FGG: variants seen among roughly 807,000 people sequenced by gnomAD.
The protein encoded by FGG is fibrinogen gamma chain.
A neutral mutation model predicts 51.7 loss-of-function variants in FGG; 20 were observed. The observed-to-expected ratio is 0.39, with a 90% CI of 0.27 to 0.56. The LOEUF (loss-of-function observed/expected upper bound fraction) is 0.56, where lower values mean the gene tolerates loss of function less well. Ranked by LOEUF, FGG falls within the 20% of genes least tolerant of loss-of-function variation. FGG has a pLI of 0.64. For synonymous variants in FGG, 184 were observed against 184.7 expected (o/e 1.00, Z 0.03); for missense variants, 460 against 534.2 (o/e 0.86, Z 1.37).
Position 154,611,797 on chromosome 4 carries a change from A to C in FGG, c.401+8T>G, listed in dbSNP as rs1202001949. ...TCTTGCAGAGCAAATTAAAACAAAA[A>C]TCCTTACCGAATACTTGAGTCATGT... On this transcript the variant is annotated splice_region_variant and intron_variant, in intron 4 of 8. Transcript: ENST00000336098. 1 of 1,590,820 alleles carries C rather than the reference A, an allele frequency of 6.3e-7. No homozygotes were observed. Among genetic ancestry groups the C allele is most frequent in the Non-Finnish European group, 8.6e-7 (1 of 1,162,370 alleles).
chr4:154,608,455 C>T lies in FGG; in HGVS notation c.851+11G>A. The T allele has an allele frequency of 6.2e-7, 1 of 1,612,122 alleles. No homozygotes were observed. Among genetic ancestry groups the T allele is most frequent in the Non-Finnish European group, 8.5e-7 (1 of 1,179,126 alleles). On this transcript the variant is annotated intron_variant, in intron 7 of 8. Transcript: ENST00000336098. ...TACAATAAAAAGTTGGAAGTCATTT[C>T]AAAACAGTACCTGGTTCTGCCATTC...
intron 7 of FGG, among the ~76,000 whole-genome samples, chr4:154,608,220 A>G (rs1034373611): frequency 1.3e-5 from 2 of 152,236 alleles, no homozygotes; most frequent in African/African-American, 4.8e-5. Flanking sequence ...TTAAAAGTTC[A>G]GTAATTAGCT....
chr4:154,610,284 ACTG>A, intron 4 of FGG, 87 bp from the exon 5 acceptor site: 1 of 1,047,152 alleles, frequency 9.5e-7, no homozygotes, highest in East Asian at 2.6e-5. Context: ...TTCTTTGGAA[ACTG>A]CTAAGTATTT....
chr4:154,607,760 C>A (rs1731126976), intron 7 of FGG, among the ~76,000 whole-genome samples: 1 of 152,110 alleles, frequency 6.6e-6, no homozygotes, highest in Non-Finnish European at 1.5e-5. Context: ...GGATTAAAAA[C>A]CAACCAAGCA....
chr4:154,604,366 T>C lies in FGG; in HGVS notation c.*468A>G. The C allele has an allele frequency of 6.7e-7, 1 of 1,497,856 alleles. No homozygotes were observed. The highest frequency in any genetic ancestry group is 8.9e-7 in the Non-Finnish European group (1 of 1,128,322). The allele number at this position is 1,497,856 out of a possible 1,614,324, so 92.8% of individuals were successfully genotyped here. On this transcript the variant is annotated 3_prime_UTR_variant, in exon 9 of 9. Transcript: ENST00000336098. ...TAAACGTCTCCAGCCTGTGAATATATAACAAAACAAAAACCATATTAAAAA... is the reference window on the plus strand; with the variant it reads ...TAAACGTCTCCAGCCTGTGAATATACAACAAAACAAAAACCATATTAAAAA...
chr4:154,604,318 A>G lies in FGG; in HGVS notation c.*516T>C, dbSNP rs1191222076. The G allele has an allele frequency of 2.6e-6, 4 of 1,512,156 alleles. No individual in the cohort carries two copies. The highest frequency in any genetic ancestry group is 3.5e-6 in the Non-Finnish European group (4 of 1,130,200). 93.7% of individuals were successfully genotyped at this position (1,512,156 alleles called of 1,614,324 possible). A position where few individuals can be genotyped will look rare whatever the true frequency, so the allele number is the denominator to read the frequency against. ...TTCAGATAAAGTCCTTTAAAAAAGT[A>G]AATCTCTTTTGAAACGGTCTTTTAA... is the stretch of plus-strand genomic sequence containing the variant. On this transcript the variant is annotated 3_prime_UTR_variant, in exon 9 of 9. Coordinates refer to ENST00000336098, the MANE Select transcript of FGG (RefSeq NM_021870.3).
At position 154,604,266 on chromosome 4, in the gene FGG, C is replaced by T; in HGVS notation, c.*568G>A. On this transcript the variant is annotated 3_prime_UTR_variant, in exon 9 of 9. Transcript: ENST00000336098. ...AGTGAAGCTTTGCAAGTCCATTGTC[C>T]AATAGGAAAAATATTATATCTCTCT... 8.1e-7 allele frequency: 1 copy of T among 1,228,298 alleles called. No individual in the cohort carries two copies. 76.1% of individuals were successfully genotyped at this position (1,228,298 alleles called of 1,614,324 possible).
chr4:154,604,270 AG>A lies in FGG; in HGVS notation c.*563del. 1 of 1,272,586 alleles carries A rather than the reference AG, an allele frequency of 7.9e-7. No individual in the cohort carries two copies. Among genetic ancestry groups the A allele is most frequent in the Non-Finnish European group, 1.1e-6 (1 of 944,610 alleles). 78.8% of individuals were successfully genotyped at this position (1,272,586 alleles called of 1,614,324 possible). On this transcript the variant is annotated 3_prime_UTR_variant, in exon 9 of 9. Transcript: ENST00000336098. ...AAGCTTTGCAAGTCCATTGTCCAAT[AG>A]GAAAAATATTATATCTCTCTGTTCA...
Position 154,609,647 on chromosome 4 carries a change from A to G in FGG, c.649T>C (p.Trp217Arg). 1.2e-6 allele frequency: 2 copies of G among 1,613,944 alleles called. No homozygotes were observed. Among genetic ancestry groups the G allele is most frequent in the Non-Finnish European group, 1.7e-6 (2 of 1,179,880 alleles). The change falls in exon 6 of 9, where the codon TGG becomes CGG. Residue 217 changes from tryptophan (W) to arginine (R), a missense_variant. By Grantham distance (101) the Trp-to-Arg change is moderately radical. Coordinates refer to ENST00000336098, the MANE Select transcript of FGG (RefSeq NM_021870.3). Reference sequence around the variant, plus strand: ...AAAATTACCTTCTGAAACACAGTCCATCCATTTCCAGACCCATCGATTTCA... The same window carrying G: ...AAAATTACCTTCTGAAACACAGTCCGTCCATTTCCAGACCCATCGATTTCA... ...YCEIDGSGNG[W>R]TVFQKRLDGS...
At position 154,608,578 on chromosome 4, in the gene FGG, T is replaced by C. The variant is rs1476647015; in HGVS notation, c.739A>G (p.Thr247Ala). 9.3e-6 allele frequency: 15 copies of C among 1,613,796 alleles called. No homozygotes were observed. Among genetic ancestry groups the C allele is most frequent in the Non-Finnish European group, 1.2e-5 (14 of 1,179,790 alleles). The change falls in exon 7 of 9, where the codon ACT becomes GCT. Residue 247 changes from threonine to alanine, a missense_variant. Around this residue, in one of 3 missense-constraint regions of FGG, gnomAD observed 353 missense variants for 391.7 expected, o/e 0.90. Transcript: ENST00000336098. ...YKEGFGHLSPTGTTEFWLGNE... is the reference protein window; with the variant it reads ...YKEGFGHLSPAGTTEFWLGNE... ...CCCAGCCAAAATTCTGTTGTGCCAG[T>C]AGGAGACAGATGTCCAAATCCTTCT... is the stretch of plus-strand genomic sequence containing the variant.
intron 8 of FGG, among the ~76,000 whole-genome samples, chr4:154,605,942 T>A (rs1017895573): frequency 6.6e-6 from 1 of 151,588 alleles, no homozygotes; most frequent in Non-Finnish European, 1.5e-5. Context: ...GCTAAACAGG[T>A]CTGGTCTGAC....
Position 154,610,205 on chromosome 4 carries a change from CAG to C in FGG, c.402-10_402-9del. ...TATATTTCCTGCAAATATCTACAAA[CAG>C]AAACATAAGATAACAAAAATAAGAA... On this transcript the variant is annotated splice_polypyrimidine_tract_variant and intron_variant, in intron 4 of 8. Coordinates refer to ENST00000336098, the MANE Select transcript of FGG (RefSeq NM_021870.3). The C allele has an allele frequency of 1.3e-6, 2 of 1,549,160 alleles. No individual in the cohort carries two copies. Among genetic ancestry groups the C allele is most frequent in the Non-Finnish European group, 1.8e-6 (2 of 1,121,626 alleles).
Position 154,610,054 on chromosome 4 carries a change from C to T in FGG, c.532+13G>A. The T allele has an allele frequency of 6.2e-7, 1 of 1,613,708 alleles. No individual in the cohort carries two copies. Among genetic ancestry groups the T allele is most frequent in the Non-Finnish European group, 8.5e-7 (1 of 1,179,748 alleles). On this transcript the variant is annotated intron_variant, in intron 5 of 8. Transcript: ENST00000336098. ...TTGATGAACCTAATCCCAATATAAC[C>T]TTCATCAGTTACCTTTCCCAGTGAT...
At chr4:154,612,340 T>TGAATAGAA in intron 2 of FGG, 51 bp downstream of exon 2, 1 of 1,600,152 alleles carries the variant, frequency 6.2e-7, no homozygotes, top group Admixed American at 1.7e-5. Flanking sequence ...TTTCTATTCC[T>TGAATAGAA]CTGCCCCTCT....
intron 8 of FGG, among the ~76,000 whole-genome samples, chr4:154,606,335 C>T (rs1265949780): frequency 2.6e-5 from 4 of 152,160 alleles, no homozygotes; most frequent in Non-Finnish European, 5.9e-5. Context: ...TGACACAAAG[C>T]TCATGGGAAG....
Position 154,609,752 on chromosome 4 carries a change from T to C in FGG, c.544A>G (p.Ile182Val), listed in dbSNP as rs755392794. Residue 182 changes from isoleucine to valine, a missense_variant, in exon 6 of 9, where the codon ATT becomes GTT. Physicochemically the swap from Ile to Val is conservative, Grantham distance 29 (BLOSUM62 3). Coordinates refer to ENST00000336098, the MANE Select transcript of FGG (RefSeq NM_021870.3). ...HDITGKDCQDIANKGAKQSGL... is the reference protein window; with the variant it reads ...HDITGKDCQDVANKGAKQSGL... ...CTCTGTTTAGCTCCCTTATTGGCAATGTCTTGACAATCTAGAGAAGGAGAA... is the reference window on the plus strand; with the variant it reads ...CTCTGTTTAGCTCCCTTATTGGCAACGTCTTGACAATCTAGAGAAGGAGAA... 2.2e-5 allele frequency: 36 copies of C among 1,614,062 alleles called. No individual in the cohort carries two copies. The highest frequency in any genetic ancestry group is 1.6e-4 in the Middle Eastern group (1 of 6,062).
chr4:154,609,489 G>A, intron 6 of FGG, 141 bp downstream of exon 6: 3 of 987,134 alleles, frequency 3.0e-6, no homozygotes, highest in Non-Finnish European at 4.6e-6. Flanking sequence ...TCTGTAAATA[G>A]GAGTAACAGA....
intron 6 of FGG, among the ~76,000 whole-genome samples, chr4:154,609,215 G>A (rs928457047): frequency 6.6e-6 from 1 of 152,006 alleles, no homozygotes; most frequent in Non-Finnish European, 1.5e-5. Context: ...GTGGGGTGGT[G>A]GGGGGTGGTG....
In FGG at chr4:154,609,645, C is replaced by T. The variant is rs768694513; in HGVS notation, c.651G>A (p.Trp217Ter). ...YCEIDGSGNGWTVFQKRLDGS... is the reference protein window; with the variant it reads ...YCEIDGSGNG ...AAAAAATTACCTTCTGAAACACAGT[C>T]CATCCATTTCCAGACCCATCGATTT... The change falls in exon 6 of 9, where the codon TGG (tryptophan) becomes TGA (stop). Residue 217 changes from tryptophan (W) to a stop codon, truncating the protein, a stop_gained. Transcript: ENST00000336098. LOFTEE classifies it high-confidence loss of function. 6.2e-7 allele frequency: 1 copy of T among 1,613,904 alleles called. No homozygotes were observed. Among genetic ancestry groups the T allele is most frequent in the South Asian group, 1.1e-5 (1 of 91,080 alleles).
Sources: gnomAD v4.1 joint callset for allele counts (sites outside exome capture counted in the v4.1 genomes callset) on GRCh38, gnomAD v4.1.1 for gene constraint, gnomAD v4.1.1 regional missense constraint, MANE v1.5 for transcripts, NCBI Gene and HGNC (gene_info 2026-07-23, HGNC 2026-07-21) for gene names.